The following EPB41L1 variants were observed in gnomAD, a reference collection of about 807,000 sequenced individuals.
The protein encoded by EPB41L1 is erythrocyte membrane protein band 4.1 like 1.
Under a neutral mutation model 97.8 loss-of-function variants are expected in EPB41L1, and 29 were observed. That is an observed-to-expected ratio of 0.30 (90% CI 0.22 to 0.40). The LOEUF (loss-of-function observed/expected upper bound fraction) is 0.40. Among genes scored for constraint, EPB41L1 ranks in the 10% least tolerant of loss-of-function variants. The pLI, the probability that EPB41L1 is intolerant of heterozygous loss-of-function variation, is 1.00. For synonymous variants in EPB41L1, 383 were observed against 459.2 expected (o/e 0.83, Z 2.12); for missense variants, 812 against 1,162.3 (o/e 0.70, Z 4.38).
intron 2 of EPB41L1, among the ~76,000 whole-genome samples, chr20:36,174,297 C>T (rs1254280693): frequency 3.3e-5 from 5 of 151,344 alleles, no homozygotes; most frequent in East Asian, 1.9e-4. Flanking sequence ...GTTGGAGTCT[C>T]GCCCTGTCAC....
intron 1 of EPB41L1, among the ~76,000 whole-genome samples, chr20:36,160,270 AT>A (rs1300686101): frequency 1.3e-5 from 2 of 152,204 alleles, no homozygotes; most frequent in Non-Finnish European, 2.9e-5. Context: ...TACAAAAAAA[AT>A]TTGTGGAAAA....
intron 6 of EPB41L1, among the ~76,000 whole-genome samples, chr20:36,184,803 T>A (rs2061614727): frequency 6.6e-6 from 1 of 152,254 alleles, no homozygotes; most frequent in Admixed American, 6.5e-5. Context: ...ATTAAAACTA[T>A]ACGACATTTT....
intron 11 of EPB41L1, among the ~76,000 whole-genome samples, chr20:36,192,302 G>A (rs1473891489): frequency 6.6e-6 from 1 of 152,018 alleles, no homozygotes; most frequent in African/African-American, 2.4e-5. Flanking sequence ...GGAAGCCAAG[G>A]CAGGTGGATC....
intron 1 of EPB41L1, among the ~76,000 whole-genome samples, chr20:36,104,457 G>C (rs1318127698): frequency 6.6e-6 from 1 of 152,200 alleles, no homozygotes; most frequent in Non-Finnish European, 1.5e-5. Flanking sequence ...AGAAGAATTT[G>C]GGGGAGTGAT....
chr20:36,167,734 A>G (rs891972292), intron 1 of EPB41L1, among the ~76,000 whole-genome samples: 1 of 151,126 alleles, frequency 6.6e-6, no homozygotes, highest in Non-Finnish European at 1.5e-5. Context: ...AATAATAATA[A>G]CAATAATAAT....
intron 15 of EPB41L1, among the ~76,000 whole-genome samples, chr20:36,210,122 G>A (rs779781573): frequency 1.6e-4 from 24 of 152,290 alleles, no homozygotes; most frequent in Admixed American, 2.0e-4. Flanking sequence ...TGACCCCATC[G>A]CTTGCTGAAG....
At chr20:36,169,670 T>C (rs2060898902) in intron 1 of EPB41L1, among the ~76,000 whole-genome samples, 1 of 152,246 alleles carries the variant, frequency 6.6e-6, no homozygotes, top group Non-Finnish European at 1.5e-5. Context: ...TTTGCCCACA[T>C]GGTGACTCAG....
At chr20:36,142,417 G>A (rs183885787) in intron 2 of EPB41L1, among the ~76,000 whole-genome samples, 1 of 152,232 alleles carries the variant, frequency 6.6e-6, no homozygotes, top group Admixed American at 6.5e-5. Flanking sequence ...GTCATTCATT[G>A]TTCCCTAAGG....
At chr20:36,126,591 C>A (rs990420356) in intron 2 of EPB41L1, among the ~76,000 whole-genome samples, 9 of 152,152 alleles carry the variant, frequency 5.9e-5, no homozygotes, top group African/African-American at 2.2e-4. Context: ...GTCTCAAACT[C>A]CCGACCTCGG....
At chr20:36,125,009 G>T (rs899051088) in intron 2 of EPB41L1, among the ~76,000 whole-genome samples, 8 of 152,190 alleles carry the variant, frequency 5.3e-5, no homozygotes, top group Non-Finnish European at 8.8e-5. Flanking sequence ...CTCAGCCAAA[G>T]AGTTTAGACT....
chr20:36,178,478 A>G (rs1488467436), intron 4 of EPB41L1, 152 bp from the exon 5 acceptor site: 20 of 782,996 alleles, frequency 2.6e-5, no homozygotes, highest in Non-Finnish European at 4.2e-5. Context: ...CTCACCCCCT[A>G]GTCCCAAGGA....
chr20:36,097,138 A>G (rs1466239223), intron 1 of EPB41L1, among the ~76,000 whole-genome samples: 1 of 152,250 alleles, frequency 6.6e-6, no homozygotes, highest in African/African-American at 2.4e-5. Context: ...AAGTATTGAA[A>G]GAGGAATCCA....
At chr20:36,175,239 G>C (rs1484019617) in intron 2 of EPB41L1, among the ~76,000 whole-genome samples, 1 of 152,196 alleles carries the variant, frequency 6.6e-6, no homozygotes, top group Non-Finnish European at 1.5e-5. Context: ...CTGCTCTGGG[G>C]AGACAGGGCA....
At chr20:36,105,939 C>G (rs989705126) in intron 1 of EPB41L1, among the ~76,000 whole-genome samples, 2 of 152,186 alleles carry the variant, frequency 1.3e-5, no homozygotes, top group African/African-American at 4.8e-5. Context: ...GCCCTCTCCT[C>G]CCCTCCTCCC....
chr20:36,174,550 G>A (rs1267906068), intron 2 of EPB41L1, among the ~76,000 whole-genome samples: 5 of 151,992 alleles, frequency 3.3e-5, no homozygotes, highest in African/African-American at 1.2e-4. Flanking sequence ...TGGGATTACA[G>A]GTGTGAGCCA....
At chr20:36,133,402 C>T (rs1011556642) in intron 2 of EPB41L1, among the ~76,000 whole-genome samples, 1 of 152,246 alleles carries the variant, frequency 6.6e-6, no homozygotes, top group Non-Finnish European at 1.5e-5. Flanking sequence ...CTTGAGCATG[C>T]CATTTCCCTC....
At position 36,175,701 on chromosome 20, in the gene EPB41L1, G is replaced by A; in HGVS notation, c.328G>A (p.Glu110Lys). Residue 110 changes from glutamate (E) to lysine (K), a missense_variant, in exon 3 of 22, where the codon GAG (glutamate) becomes AAG (lysine). Physicochemically the swap from Glu to Lys is moderately conservative, Grantham distance 56. Coordinates refer to ENST00000338074, the MANE Select transcript of EPB41L1 (RefSeq NM_012156.2). ...RVTLLDASEY[E>K]CEVEKHGRGQ... is the part of the protein sequence containing the mutation. ...CACTCTGCTTGATGCCTCGGAGTAT[G>A]AGTGTGAGGTGGAGGTAGGGGAGCA... The A allele has an allele frequency of 6.2e-7, 1 of 1,614,044 alleles. No individual in the cohort carries two copies. Among genetic ancestry groups the A allele is most frequent in the Non-Finnish European group, 8.5e-7 (1 of 1,180,006 alleles).
rs773262026 is a variant in EPB41L1, at chr20:36,190,612, T to C, written c.1125-10T>C. On this transcript the variant is annotated splice_polypyrimidine_tract_variant and intron_variant, in intron 10 of 21. Coordinates refer to ENST00000338074, the MANE Select transcript of EPB41L1 (RefSeq NM_012156.2). This position sits in a 1 kb window ranked among gnomAD's most constrained non-coding sequence, Gnocchi z 5.8. ...GATTCCTCCTCCTCCCCTGCATCCC[T>C]CTGCTGCAGGCTGGTGTCCCCTGAG... The C allele has an allele frequency of 1.2e-6, 2 of 1,613,910 alleles. No homozygotes were observed. The highest frequency in any genetic ancestry group is 1.7e-5 in the Admixed American group (1 of 60,012).
intron 14 of EPB41L1, among the ~76,000 whole-genome samples, chr20:36,202,737 C>T (rs375245289): frequency 4.1e-5 from 6 of 147,966 alleles, no homozygotes; most frequent in Admixed American, 2.1e-4. Context: ...CGCTTGAACT[C>T]GGGAGGCGGC....
Sources: allele counts gnomAD v4.1 joint callset (sites outside exome capture counted in the v4.1 genomes callset), GRCh38; gene constraint gnomAD v4.1.1; non-coding constraint Gnocchi (gnomAD v3.1); transcripts MANE v1.5; gene names NCBI Gene and HGNC (gene_info 2026-07-23, HGNC 2026-07-21).